ADGRB3: variants seen among roughly 807,000 people sequenced by gnomAD.
The protein encoded by ADGRB3 is adhesion G protein-coupled receptor B3.
ADGRB3 carries 37 observed loss-of-function variants against 193.4 expected under a neutral mutation model. The observed-to-expected ratio is 0.19, with a 90% confidence interval of 0.15 to 0.25. The LOEUF (loss-of-function observed/expected upper bound fraction) is 0.25, where lower values mean the gene tolerates loss of function less well. Among genes scored for constraint, ADGRB3 ranks in the 10% least tolerant of loss-of-function variants. The probability of loss-of-function intolerance (pLI) is 1.00; values close to 1 mark genes in which losing one functional copy is unlikely to be tolerated. For missense variants in ADGRB3, 1,637 were observed against 1,852.9 expected (o/e 0.88, Z 2.14); for synonymous variants, 690 against 644.2 (o/e 1.07, Z -1.08).
At chr6:68,892,699 G>A (rs547250225) in intron 3 of ADGRB3, among the ~76,000 whole-genome samples, 1 of 152,196 alleles carries the variant, frequency 6.6e-6, no homozygotes, top group East Asian at 1.9e-4. Context: ...ATACGAATAT[G>A]TAACTACTAA....
chr6:68,863,624 G>A (rs1448146675), intron 3 of ADGRB3, among the ~76,000 whole-genome samples: 1 of 151,922 alleles, frequency 6.6e-6, no homozygotes, highest in Non-Finnish European at 1.5e-5. Flanking sequence ...TACATAAAAG[G>A]CATTTATTGA....
chr6:68,731,814 C>A (rs1765781269), intron 3 of ADGRB3, among the ~76,000 whole-genome samples: 1 of 151,422 alleles, frequency 6.6e-6, no homozygotes, highest in East Asian at 1.9e-4. Context: ...ACATGTGAAT[C>A]ATATTGTTAC....
At chr6:69,085,264 A>G (rs1011258420) in intron 17 of ADGRB3, among the ~76,000 whole-genome samples, 6 of 152,148 alleles carry the variant, frequency 3.9e-5, no homozygotes, top group African/African-American at 1.4e-4. Context: ...CTAAAAATCA[A>G]TAATAGCAAA....
At chr6:68,644,940 T>A (rs1229374947) in intron 3 of ADGRB3, among the ~76,000 whole-genome samples, 1 of 152,206 alleles carries the variant, frequency 6.6e-6, no homozygotes, top group Admixed American at 6.5e-5. Context: ...TCATTTTCTA[T>A]CAAAATCGAG....
chr6:68,735,994 C>T (rs9454611), intron 3 of ADGRB3, among the ~76,000 whole-genome samples: 117,360 of 151,926 alleles, frequency 0.77, 45,529 homozygotes, highest in Middle Eastern at 0.91. Flanking sequence ...ACCAATCTTT[C>T]AGGAAGTTAG....
chr6:69,343,660 C>A (rs901589837), intron 26 of ADGRB3, among the ~76,000 whole-genome samples: 26 of 151,832 alleles, frequency 1.7e-4, no homozygotes, highest in African/African-American at 6.3e-4. Flanking sequence ...ACAGTTTCTT[C>A]TTCTGGAATA....
At chr6:69,147,727 G>A (rs149355049) in intron 17 of ADGRB3, among the ~76,000 whole-genome samples, 227 of 152,152 alleles carry the variant, frequency 1.5e-3, no homozygotes, top group African/African-American at 5.0e-3. Flanking sequence ...TGTGTCCAAC[G>A]GTGAAAATTG....
chr6:68,642,966 A>T (rs961427462), intron 3 of ADGRB3, among the ~76,000 whole-genome samples: 1 of 152,194 alleles, frequency 6.6e-6, no homozygotes, highest in African/African-American at 2.4e-5. Flanking sequence ...TATATAGCTG[A>T]GATATAAAAT....
intron 3 of ADGRB3, among the ~76,000 whole-genome samples, chr6:68,848,532 A>G (rs1768333886): frequency 6.6e-6 from 1 of 152,020 alleles, no homozygotes; most frequent in African/African-American, 2.4e-5. Flanking sequence ...AATCTAACAA[A>G]CTAGCTTTTG....
chr6:69,357,464 AC>A (rs1485231253), intron 28 of ADGRB3, among the ~76,000 whole-genome samples: 1 of 151,974 alleles, frequency 6.6e-6, no homozygotes, highest in Non-Finnish European at 1.5e-5. Flanking sequence ...TTATAAGACT[AC>A]CTTCTAAGTC....
At chr6:69,073,484 G>A (rs918076453) in intron 16 of ADGRB3, among the ~76,000 whole-genome samples, 6 of 152,260 alleles carry the variant, frequency 3.9e-5, no homozygotes, top group African/African-American at 1.4e-4. Context: ...AAAAAAAATG[G>A]AATTTACTGG....
At chr6:69,172,655 A>AAAG (rs1775306505) in intron 17 of ADGRB3, among the ~76,000 whole-genome samples, 2 of 145,108 alleles carry the variant, frequency 1.4e-5, no homozygotes, top group African/African-American at 5.0e-5. Flanking sequence ...AAAAAAAAAA[A>AAAG]AAAAAAAAAA....
At chr6:69,266,057 ATTTG>A (rs1490292620) in intron 20 of ADGRB3, among the ~76,000 whole-genome samples, 1 of 151,924 alleles carries the variant, frequency 6.6e-6, no homozygotes, top group Non-Finnish European at 1.5e-5. Flanking sequence ...GTGGGATTTT[ATTTG>A]TTTGTTTTTT....
At chr6:68,946,289 A>T (rs1236570112) in intron 6 of ADGRB3, among the ~76,000 whole-genome samples, 2 of 152,124 alleles carry the variant, frequency 1.3e-5, no homozygotes, top group Admixed American at 6.6e-5. Context: ...TTCTCTTTAG[A>T]ACTCATCATC....
chr6:68,747,254 A>G (rs184982703), intron 3 of ADGRB3, among the ~76,000 whole-genome samples: 2 of 152,314 alleles, frequency 1.3e-5, no homozygotes, highest in Admixed American at 6.5e-5. Context: ...GACTCAAGCT[A>G]TATGGACAAA....
chr6:68,706,476 G>A (rs1765327715), intron 3 of ADGRB3, among the ~76,000 whole-genome samples: 1 of 152,180 alleles, frequency 6.6e-6, no homozygotes, highest in African/African-American at 2.4e-5. Context: ...TGGCACATAT[G>A]TGCATCTGCA....
intron 20 of ADGRB3, among the ~76,000 whole-genome samples, chr6:69,311,560 G>A (rs1697192484): frequency 1.3e-5 from 2 of 151,632 alleles, no homozygotes; most frequent in Admixed American, 1.3e-4. Flanking sequence ...GATCTCCCTA[G>A]GACATCTTTA....
intron 3 of ADGRB3, among the ~76,000 whole-genome samples, chr6:68,845,146 G>C (rs535325190): frequency 2.6e-5 from 4 of 152,110 alleles, no homozygotes; most frequent in Non-Finnish European, 5.9e-5. Flanking sequence ...AAATACTTGA[G>C]GTAAATGGAT....
chr6:68,815,638 T>TGTGTGTGTGTGTGTGGGTGG (rs146536913), intron 3 of ADGRB3, among the ~76,000 whole-genome samples: 1 of 149,408 alleles, frequency 6.7e-6, no homozygotes, highest in Non-Finnish European at 1.5e-5. Flanking sequence ...TGTGTGTGTG[T>TGTGTGTGTGTGTGTGGGTGG]GTGCATGTAG....
Sources: gnomAD v4.1 joint callset for allele counts (sites outside exome capture counted in the v4.1 genomes callset) on GRCh38, gnomAD v4.1.1 for gene constraint, MANE v1.5 for transcripts, NCBI Gene and HGNC (gene_info 2026-07-23, HGNC 2026-07-21) for gene names.